Variants in AGO1 observed in about 807,000 individuals in gnomAD.
AGO1 encodes the protein protein argonaute-1.
In AGO1, 11 loss-of-function variants were observed where a neutral mutation model predicts 109.2. The ratio of observed to expected loss-of-function variants is 0.10; its 90% confidence interval spans 0.06 to 0.17. The LOEUF is 0.17. AGO1 is among the 10% of genes least tolerant of loss of function. The pLI, the probability that AGO1 is intolerant of heterozygous loss-of-function variation, is 1.00. For synonymous variants in AGO1, 422 were observed against 418.6 expected, an observed-to-expected ratio of 1.01 and a Z score of -0.10; for missense variants, 574 against 1,140.3, an observed-to-expected ratio of 0.50 and a Z score of 7.15.
rs1311690893 is a variant in AGO1, at chr1:35,924,796, G to A, written c.*5189G>A. On this transcript the variant is annotated 3_prime_UTR_variant, in exon 19 of 19. Transcript: ENST00000373204. ...GACGGGGAGACTGTAGAAGGAAGGT[G>A]GGGAGTTTTTGAAGAAACAGAATGT... The A allele has an allele frequency of 6.6e-6, 1 of 152,174 alleles. No homozygotes were observed. The highest frequency in any genetic ancestry group is 1.5e-5 in the Non-Finnish European group (1 of 68,076). 9.4% of individuals were successfully genotyped at this position (152,174 alleles called of 1,614,324 possible).
chr1:35,869,851 G>A (rs935720081), exon 1 of AGO1: 6 of 152,102 alleles, frequency 3.9e-5, no homozygotes, highest in African/African-American at 1.4e-4. Flanking sequence ...CGCAGAACTC[G>A]GGGAGCCTTT....
intron 1 of AGO1, among the ~76,000 whole-genome samples, chr1:35,886,361 A>G (rs1326615732): frequency 6.6e-6 from 1 of 152,062 alleles, no homozygotes; most frequent in Admixed American, 6.6e-5. Context: ...AATGGGAGAG[A>G]GGTTCCTGCT....
rs535494736 is a variant in AGO1 at position 35,929,611 on chromosome 1, G to A, written c.*10004G>A. Reference sequence around the variant, plus strand: ...GATTAAAAATGACTTTTAAGATGCAGTGTTTCATCTGGTGACATTTAATTT... The same window carrying A: ...GATTAAAAATGACTTTTAAGATGCAATGTTTCATCTGGTGACATTTAATTT... On this transcript the variant is annotated 3_prime_UTR_variant, in exon 19 of 19. Coordinates refer to ENST00000373204, the MANE Select transcript of AGO1 (RefSeq NM_012199.5). 1.7e-4 allele frequency: 26 copies of A among 152,326 alleles called. No homozygotes were observed. Among genetic ancestry groups the A allele is most frequent in the African/African-American group, 6.3e-4 (26 of 41,558 alleles). 9.4% of individuals were successfully genotyped at this position (152,326 alleles called of 1,614,324 possible).
chr1:35,871,497 C>G (rs925095542), intron 1 of AGO1, among the ~76,000 whole-genome samples: 1 of 151,372 alleles, frequency 6.6e-6, no homozygotes, highest in African/African-American at 2.4e-5. Context: ...GAGCAGAGAT[C>G]TAGCCACTGC....
At chr1:35,905,924 T>C (rs921234464) in intron 11 of AGO1, among the ~76,000 whole-genome samples, 1 of 152,252 alleles carries the variant, frequency 6.6e-6, no homozygotes, top group East Asian at 1.9e-4. Flanking sequence ...AAAAATACTT[T>C]CTCATAAAAC....
Position 35,902,190 on chromosome 1 carries a change from C to G in AGO1, c.1264-14C>G. 9.3e-6 allele frequency: 15 copies of G among 1,611,596 alleles called. No individual in the cohort carries two copies. Among genetic ancestry groups the G allele is most frequent in the Non-Finnish European group, 1.3e-5 (15 of 1,178,466 alleles). ...ACTGAGGCTCACCTAGGCGCCCCCT[C>G]TACCTATCCCCAGAACCGGGCCATT... On this transcript the variant is annotated splice_polypyrimidine_tract_variant and intron_variant, in intron 10 of 18. Coordinates refer to ENST00000373204, the MANE Select transcript of AGO1 (RefSeq NM_012199.5).
intron 1 of AGO1, among the ~76,000 whole-genome samples, chr1:35,887,620 C>T (rs1645141846): frequency 6.6e-6 from 1 of 152,108 alleles, no homozygotes; most frequent in African/African-American, 2.4e-5. Flanking sequence ...CTAATTGCCA[C>T]CTCTTCTTCC....
intron 7 of AGO1, 84 bp downstream of exon 7, chr1:35,894,486 C>G (rs1645282432): frequency 7.3e-7 from 1 of 1,367,552 alleles, no homozygotes; most frequent in Non-Finnish European, 1.0e-6. Flanking sequence ...CTCCCTCCCC[C>G]ACTGGCCTTG....
chr1:35,910,552 A>G (rs190510355), intron 12 of AGO1, among the ~76,000 whole-genome samples: 9 of 152,150 alleles, frequency 5.9e-5, no homozygotes, highest in African/African-American at 2.2e-4. Flanking sequence ...AGTGGTAACC[A>G]CTATTCTGGC....
At chr1:35,902,392 G>A (rs2148715981) in intron 11 of AGO1, 55 bp downstream of exon 11, 1 of 1,591,566 alleles carries the variant, frequency 6.3e-7, no homozygotes, top group Non-Finnish European at 8.6e-7. Flanking sequence ...GGAGCTGCCT[G>A]CCTTCCTGTA....
intron 11 of AGO1, among the ~76,000 whole-genome samples, chr1:35,903,567 G>A (rs1230713724): frequency 6.6e-6 from 1 of 152,036 alleles, no homozygotes; most frequent in African/African-American, 2.4e-5. Context: ...ATGAGAATTC[G>A]TTCTTAGCTG....
At position 35,888,767 on chromosome 1, in the gene AGO1, C is replaced by G. The variant is rs1419544816; in HGVS notation, c.209+157C>G. Among the ~76,000 whole-genome samples the G allele has an allele frequency of 6.6e-6, 1 of 152,176 alleles. No individual in the cohort carries two copies. The highest frequency in any genetic ancestry group is 1.5e-5 in the Non-Finnish European group (1 of 68,036). ...CGTCGGGTAAATGCTGAAAAATAGT[C>G]CAATTGGACTTCGCTATTGGAAGAT... On this transcript the variant is annotated intron_variant, in intron 2 of 18. Coordinates refer to ENST00000373204, the MANE Select transcript of AGO1 (RefSeq NM_012199.5). The surrounding 1 kb of genome is among the most constrained non-coding windows in gnomAD (Gnocchi z 4.1).
At chr1:35,890,369 A>G (rs1480211215) in intron 2 of AGO1, among the ~76,000 whole-genome samples, 1 of 152,186 alleles carries the variant, frequency 6.6e-6, no homozygotes, top group Admixed American at 6.5e-5. Flanking sequence ...TTCTACATAT[A>G]TACAGGCATA....
chr1:35,898,164 G>C (rs576138562), intron 8 of AGO1, among the ~76,000 whole-genome samples: 25 of 152,202 alleles, frequency 1.6e-4, no homozygotes, highest in Middle Eastern at 3.4e-3. Context: ...TAATGCTGCT[G>C]TGAACATTGA....
Position 35,901,873 on chromosome 1 carries a change from T to C in AGO1, c.1141-75T>C. 6.6e-7 allele frequency: 1 copy of C among 1,519,058 alleles called. No homozygotes were observed. The highest frequency in any genetic ancestry group is 1.3e-5 in the South Asian group (1 of 75,268). The allele number at this position is 1,519,058 out of a possible 1,614,324, so 94.1% of individuals were successfully genotyped here. ...CAACCCCAGCTTCTCCTTAGGGTTC[T>C]CTCCTTGATACCCAGAGGGTGAGCA... On this transcript the variant is annotated intron_variant, in intron 9 of 18. Transcript: ENST00000373204. The surrounding 1 kb of genome is among the most constrained non-coding windows in gnomAD (Gnocchi z 4.8).
intron 12 of AGO1, among the ~76,000 whole-genome samples, chr1:35,908,223 T>C (rs964833402): frequency 6.6e-6 from 1 of 152,200 alleles, no homozygotes; most frequent in Non-Finnish European, 1.5e-5. Flanking sequence ...CTCCTAAATC[T>C]CCTCTGCACA....
At chr1:35,880,194 A>G (rs550585601), upstream of AGO1, among the ~76,000 whole-genome samples, 3 of 152,170 alleles carry the variant, frequency 2.0e-5, no homozygotes, top group South Asian at 6.2e-4. Flanking sequence ...AGGAACTTAG[A>G]TGGTAGTGTG....
chr1:35,913,494 C>G (rs985671371), intron 12 of AGO1, among the ~76,000 whole-genome samples: 1 of 152,108 alleles, frequency 6.6e-6, no homozygotes, highest in East Asian at 1.9e-4. Flanking sequence ...ATGTTGTTCC[C>G]TCTGCCTGGA....
At chr1:35,916,065 C>G (rs948933697) in intron 15 of AGO1, among the ~76,000 whole-genome samples, 1 of 151,850 alleles carries the variant, frequency 6.6e-6, no homozygotes, top group African/African-American at 2.4e-5. Flanking sequence ...AACTGGTATC[C>G]TTGACTACCA....
Sources: gnomAD v4.1 joint callset for allele counts (sites outside exome capture counted in the v4.1 genomes callset) on GRCh38, gnomAD v4.1.1 for gene constraint, Gnocchi (gnomAD v3.1) non-coding constraint, MANE v1.5 for transcripts, NCBI Gene and HGNC (gene_info 2026-07-23, HGNC 2026-07-21) for gene names.